The following PAK1 variants were observed in gnomAD, a reference collection of about 807,000 sequenced individuals.
PAK1 encodes the protein p21 (RAC1) activated kinase 1, also known as serine/threonine-protein kinase PAK 1.
In PAK1, 29 loss-of-function variants were observed where a neutral mutation model predicts 67.4. The observed-to-expected ratio is 0.43, with a 90% CI of 0.32 to 0.59. The LOEUF is 0.59. Ranked by LOEUF, PAK1 falls within the 20% of genes least tolerant of loss-of-function variation. The probability of loss-of-function intolerance (pLI) is 0.07; values close to 1 mark genes in which losing one functional copy is unlikely to be tolerated. For missense variants in PAK1, 337 were observed against 670.7 expected (o/e 0.50, Z 5.50); for synonymous variants, 223 against 237.4 (o/e 0.94, Z 0.56).
chr11:77,429,489 C>T (rs1351581649), intron 1 of PAK1, among the ~76,000 whole-genome samples: 1 of 152,134 alleles, frequency 6.6e-6, no homozygotes, highest in Admixed American at 6.5e-5. Context: ...AAATGAACAT[C>T]AATAGTCATG....
chr11:77,408,478 G>A (rs1953974215), intron 1 of PAK1, among the ~76,000 whole-genome samples: 1 of 151,160 alleles, frequency 6.6e-6, no homozygotes, highest in South Asian at 2.1e-4. Context: ...GGGAGAAAGA[G>A]GAACCCTCAT....
chr11:77,465,032 G>A (rs1957534688), intron 1 of PAK1, among the ~76,000 whole-genome samples: 1 of 151,424 alleles, frequency 6.6e-6, no homozygotes, highest in Non-Finnish European at 1.5e-5. Context: ...GTGTCTGTGT[G>A]TGTGTGAAGA....
chr11:77,323,277 G>A lies in PAK1; in HGVS notation c.1635C>T (p.His545=). The A allele has an allele frequency of 6.2e-7, 1 of 1,613,936 alleles. No individual in the cohort carries two copies. ...AAAKEATKNN[H] ...TGAGGCTGGGGTGAGTGTGGTTTTA[G>A]TGATTGTTCTTTGTTGCCTCCTTAG... Residue 545 remains histidine (H), a synonymous_variant, in exon 15 of 15, where the codon CAC becomes CAT. Coordinates refer to ENST00000356341, the MANE Select transcript of PAK1 (RefSeq NM_002576.5).
chr11:77,388,430 T>C (rs1950722394), intron 2 of PAK1, among the ~76,000 whole-genome samples: 1 of 152,262 alleles, frequency 6.6e-6, no homozygotes, highest in Non-Finnish European at 1.5e-5. Context: ...CTTGGCTCAC[T>C]GCAAGCTCCG....
chr11:77,367,315 C>T (rs1947734975), intron 5 of PAK1, among the ~76,000 whole-genome samples: 1 of 152,114 alleles, frequency 6.6e-6, no homozygotes, highest in Non-Finnish European at 1.5e-5. Context: ...GAGCTTTTTA[C>T]TACCCCAATC....
chr11:77,346,914 C>A (rs1340584709), intron 9 of PAK1: 2 of 421,266 alleles, frequency 4.7e-6, no homozygotes, highest in South Asian at 1.7e-5. Flanking sequence ...TAAAAACACA[C>A]TTGAAAAATA....
intron 1 of PAK1, among the ~76,000 whole-genome samples, chr11:77,459,124 A>G (rs760034633): frequency 1.5e-4 from 23 of 152,228 alleles, no homozygotes; most frequent in Non-Finnish European, 2.5e-4. Flanking sequence ...GAGATAGAGT[A>G]GGGTTAGAAG....
At chr11:77,363,962 C>G (rs903268565) in intron 5 of PAK1, among the ~76,000 whole-genome samples, 1 of 152,258 alleles carries the variant, frequency 6.6e-6, no homozygotes, top group African/African-American at 2.4e-5. Flanking sequence ...CAGGGTATAA[C>G]TGCATAGTCC....
At chr11:77,482,450 A>G in the PAK1 span, among the ~76,000 whole-genome samples, 1 of 152,202 alleles carries the variant, frequency 6.6e-6, no homozygotes, top group Non-Finnish European at 1.5e-5. Context: ...ATAAACTTCC[A>G]TAAATTATCA....
the PAK1 span, among the ~76,000 whole-genome samples, chr11:77,517,089 G>A: frequency 6.6e-6 from 1 of 152,112 alleles, no homozygotes; most frequent in Non-Finnish European, 1.5e-5. Context: ...ACCCAGGGAT[G>A]AATCTTCCTT....
intron 1 of PAK1, among the ~76,000 whole-genome samples, chr11:77,458,060 AG>A: frequency 6.6e-6 from 1 of 152,208 alleles, no homozygotes; most frequent in Admixed American, 6.5e-5. Context: ...AATCTAATGG[AG>A]GAATAAGCAT....
chr11:77,323,424 C>G (rs890661418), intron 14 of PAK1, 64 bp from the exon 15 acceptor site: 1 of 1,106,756 alleles, frequency 9.0e-7, no homozygotes, highest in Non-Finnish European at 1.4e-6. Context: ...GTAACCATTA[C>G]AAGACATAAA....
intron 1 of PAK1, among the ~76,000 whole-genome samples, chr11:77,414,346 T>A (rs1954833161): frequency 6.6e-6 from 1 of 152,274 alleles, no homozygotes; most frequent in South Asian, 2.1e-4. Flanking sequence ...TGGTGGCTTT[T>A]AATTCTCCCT....
At chr11:77,345,397 C>G (rs1944275565) in intron 9 of PAK1, among the ~76,000 whole-genome samples, 1 of 151,992 alleles carries the variant, frequency 6.6e-6, no homozygotes, top group African/African-American at 2.4e-5. Context: ...AAATTATTTT[C>G]TAAGTGTTCA....
chr11:77,450,781 C>CCA (rs1956819233), intron 1 of PAK1, among the ~76,000 whole-genome samples: 1 of 152,210 alleles, frequency 6.6e-6, no homozygotes, highest in Non-Finnish European at 1.5e-5. Flanking sequence ...TGACATACTG[C>CCA]TATTCAGTGG....
intron 11 of PAK1, among the ~76,000 whole-genome samples, chr11:77,337,718 C>T (rs1591737986): frequency 6.6e-6 from 1 of 151,924 alleles, no homozygotes; most frequent in East Asian, 1.9e-4. Flanking sequence ...TGGTAAAGGA[C>T]CTAAGGCCCA....
At chr11:77,332,170 T>C (rs1941702036) in intron 14 of PAK1, among the ~76,000 whole-genome samples, 1 of 148,984 alleles carries the variant, frequency 6.7e-6, no homozygotes, top group South Asian at 2.2e-4. Context: ...TAGCCAGGTA[T>C]GGTGGCGTGC....
At position 77,355,667 on chromosome 11, in the gene PAK1, C is replaced by T. The variant is rs1482673833; in HGVS notation, c.772+1G>A. 6 of 1,608,768 alleles carry T rather than the reference C, an allele frequency of 3.7e-6. No individual in the cohort carries two copies. Among genetic ancestry groups the T allele is most frequent in the African/African-American group, 2.7e-5 (2 of 74,740 alleles). ...GGTTCAGAAAGCTACAAATTCCTTA[C>T]GTAATTTCTCCAAGATCTCCTCATC... On this transcript the variant is annotated splice_donor_variant, in intron 7 of 14. Transcript: ENST00000356341. LOFTEE classifies it high-confidence loss of function.
chr11:77,482,793 G>GT, the PAK1 span, among the ~76,000 whole-genome samples: 1 of 151,734 alleles, frequency 6.6e-6, no homozygotes, highest in African/African-American at 2.4e-5. Flanking sequence ...TTTTGTAAAG[G>GT]CAGGATCTCC....
Sources: gnomAD v4.1 joint callset for allele counts (sites outside exome capture counted in the v4.1 genomes callset) on GRCh38, gnomAD v4.1.1 for gene constraint, MANE v1.5 for transcripts, NCBI Gene and HGNC (gene_info 2026-07-23, HGNC 2026-07-21) for gene names.